ABTB3: variants seen among roughly 807,000 people sequenced by gnomAD.
The protein encoded by ABTB3 is ankyrin repeat and BTB domain containing 3.
chr12:107,531,090 C>T, the ABTB3 span, among the ~76,000 whole-genome samples: 1 of 152,200 alleles, frequency 6.6e-6, no homozygotes, highest in African/African-American at 2.4e-5. Flanking sequence ...GTTTTCTTAT[C>T]TGCAAAGCAT....
the ABTB3 span, among the ~76,000 whole-genome samples, chr12:107,516,221 C>T: frequency 7.0e-6 from 1 of 143,320 alleles, no homozygotes; most frequent in Admixed American, 7.3e-5. Flanking sequence ...ATCATTCATC[C>T]ATTATTCTTT....
chr12:107,543,856 C>T, the ABTB3 span: 1 of 1,340,210 alleles, frequency 7.5e-7, no homozygotes, highest in Admixed American at 2.4e-5. Flanking sequence ...GGACCAGGGT[C>T]TCCACAGAGA....
At chr12:107,595,874 A>C in the ABTB3 span, among the ~76,000 whole-genome samples, 1 of 152,090 alleles carries the variant, frequency 6.6e-6, no homozygotes, top group Non-Finnish European at 1.5e-5. Context: ...ATATATATGC[A>C]TTCACATATA....
the ABTB3 span, among the ~76,000 whole-genome samples, chr12:107,545,280 C>A: frequency 2.0e-5 from 3 of 151,924 alleles, no homozygotes; most frequent in African/African-American, 4.8e-5. Context: ...ACTCTGTCAC[C>A]CAGGCTAGGT....
the ABTB3 span, among the ~76,000 whole-genome samples, chr12:107,349,676 A>C: frequency 6.6e-6 from 1 of 152,236 alleles, no homozygotes; most frequent in African/African-American, 2.4e-5. Flanking sequence ...ACAGGACAGC[A>C]ATTAAATTTG....
the ABTB3 span, among the ~76,000 whole-genome samples, chr12:107,646,133 G>T: frequency 6.6e-6 from 1 of 152,256 alleles, no homozygotes; most frequent in Non-Finnish European, 1.5e-5. Flanking sequence ...GGGGGCCTCC[G>T]CGAAGCTGTG....
At chr12:107,469,273 T>C in the ABTB3 span, among the ~76,000 whole-genome samples, 1 of 151,900 alleles carries the variant, frequency 6.6e-6, no homozygotes, top group Non-Finnish European at 1.5e-5. Context: ...AAAACAGAGG[T>C]GGGAGGAAGG....
chr12:107,500,389 G>A, the ABTB3 span, among the ~76,000 whole-genome samples: 3 of 152,202 alleles, frequency 2.0e-5, no homozygotes, highest in East Asian at 1.9e-4. Flanking sequence ...ATCTAGTCTC[G>A]AGGGTGCTTC....
At chr12:107,605,979 G>A in the ABTB3 span, among the ~76,000 whole-genome samples, 1 of 152,148 alleles carries the variant, frequency 6.6e-6, no homozygotes, top group Non-Finnish European at 1.5e-5. Context: ...TAGAGGGAGG[G>A]GATAGGTGTG....
chr12:107,630,153 C>T, the ABTB3 span, among the ~76,000 whole-genome samples: 12 of 152,276 alleles, frequency 7.9e-5, no homozygotes, highest in South Asian at 2.1e-4. Context: ...GAAAAAGAAG[C>T]GGCTAGAAAG....
At chr12:107,610,613 AG>A in the ABTB3 span, among the ~76,000 whole-genome samples, 24 of 152,194 alleles carry the variant, frequency 1.6e-4, no homozygotes, top group African/African-American at 2.4e-4. Flanking sequence ...GGCCCATTCC[AG>A]AAAGGAAATA....
the ABTB3 span, among the ~76,000 whole-genome samples, chr12:107,594,305 A>C: frequency 6.6e-6 from 1 of 152,216 alleles, no homozygotes; most frequent in Non-Finnish European, 1.5e-5. Flanking sequence ...ATATTCAGAC[A>C]GACCCAGAAT....
At chr12:107,558,855 A>G in the ABTB3 span, among the ~76,000 whole-genome samples, 2 of 152,198 alleles carry the variant, frequency 1.3e-5, no homozygotes, top group Non-Finnish European at 2.9e-5. Context: ...GGGCTTGCCC[A>G]AGGTCACACA....
At chr12:107,343,895 C>T in the ABTB3 span, among the ~76,000 whole-genome samples, 17 of 152,230 alleles carry the variant, frequency 1.1e-4, no homozygotes, top group African/African-American at 2.4e-4. Context: ...GCATGGGGGA[C>T]ACCACCCCCA....
the ABTB3 span, among the ~76,000 whole-genome samples, chr12:107,430,478 T>C: frequency 6.6e-6 from 1 of 152,208 alleles, no homozygotes; most frequent in African/African-American, 2.4e-5. Flanking sequence ...TTAAGAATAC[T>C]CATTTTCCCA....
chr12:107,617,831 T>C, the ABTB3 span: 5 of 377,780 alleles, frequency 1.3e-5, no homozygotes, highest in Admixed American at 2.1e-4. Context: ...TCAGCTTTTA[T>C]TACACATAAC....
the ABTB3 span, among the ~76,000 whole-genome samples, chr12:107,352,551 T>G: frequency 1.6e-4 from 24 of 151,652 alleles, no homozygotes; most frequent in Admixed American, 7.2e-4. Context: ...TGCACAAGAG[T>G]GTCCAACTAA....
the ABTB3 span, among the ~76,000 whole-genome samples, chr12:107,368,042 A>G: frequency 6.6e-6 from 1 of 152,194 alleles, no homozygotes; most frequent in African/African-American, 2.4e-5. Flanking sequence ...TTGTACATCT[A>G]GCTTATTATT....
At chr12:107,554,595 C>T in the ABTB3 span, among the ~76,000 whole-genome samples, 91 of 152,282 alleles carry the variant, frequency 6.0e-4, no homozygotes, top group African/African-American at 2.1e-3. Context: ...TTACTATTCT[C>T]ACTGTCATGG....
Sources: gnomAD v4.1 joint callset for allele counts (sites outside exome capture counted in the v4.1 genomes callset) on GRCh38, gnomAD v4.1.1 for gene constraint, MANE v1.5 for transcripts, NCBI Gene and HGNC (gene_info 2026-07-23, HGNC 2026-07-21) for gene names.